CCDC85C: variants seen among roughly 807,000 people sequenced by gnomAD.
CCDC85C encodes coiled-coil domain-containing protein 85C.
A neutral mutation model predicts 38.3 loss-of-function variants in CCDC85C; 18 were observed. The ratio of observed to expected loss-of-function variants is 0.47; its 90% CI spans 0.33 to 0.70. CCDC85C has a LOEUF of 0.70. Ranked by LOEUF, CCDC85C falls within the 30% of genes least tolerant of loss-of-function variation. The pLI is 0.03. For missense variants in CCDC85C, 566 were observed against 621.2 expected (o/e 0.91, Z 0.94); for synonymous variants, 264 against 293.8 (o/e 0.90, Z 1.04).
Position 99,569,723 on chromosome 14 carries a change from A to G in CCDC85C, c.793+33444T>C, listed in dbSNP as rs998998094. Reference sequence around the variant, plus strand: ...CTTTGCACCTCTGCTTCCCCCCAACATGTCACACACCCCACATTTCAGGTG... The same window carrying G: ...CTTTGCACCTCTGCTTCCCCCCAACGTGTCACACACCCCACATTTCAGGTG... On this transcript the variant is annotated intron_variant, in intron 1 of 5. Transcript: ENST00000380243. The surrounding 1 kb of genome is among the most constrained non-coding windows in gnomAD (Gnocchi z 4.3). Among the ~76,000 whole-genome samples the G allele has an allele frequency of 5.3e-5, 8 of 151,982 alleles. No homozygotes were observed. The highest frequency in any genetic ancestry group is 9.7e-5 in the African/African-American group (4 of 41,398).
intron 2 of CCDC85C, among the ~76,000 whole-genome samples, chr14:99,528,731 C>G (rs77669548): frequency 4.0e-5 from 6 of 151,700 alleles, no homozygotes; most frequent in African/African-American, 1.2e-4. Context: ...CCTGCAAGGT[C>G]GCCCACAAGA....
chr14:99,507,374 C>G lies in CCDC85C; in HGVS notation c.*7872G>C. ...GGAGAATCACCTGACCCCAGGAGTTCGAGGTCAGCCTGGGCAACAAAGTGA... is the reference window on the plus strand; with the variant it reads ...GGAGAATCACCTGACCCCAGGAGTTGGAGGTCAGCCTGGGCAACAAAGTGA... On this transcript the variant is annotated 3_prime_UTR_variant, in exon 6 of 6. Transcript: ENST00000380243. 3.8e-6 allele frequency: 2 copies of G among 526,542 alleles called. No individual in the cohort carries two copies. The highest frequency in any genetic ancestry group is 2.1e-5 in the South Asian group (1 of 48,272). The allele number at this position is 526,542 out of a possible 1,614,324, so 32.6% of individuals were successfully genotyped here.
chr14:99,507,274 A>G lies in CCDC85C; in HGVS notation c.*7972T>C, dbSNP rs1896999061. The G allele has an allele frequency of 1.4e-6, 1 of 735,960 alleles. No individual in the cohort carries two copies. The highest frequency in any genetic ancestry group is 1.7e-5 in the African/African-American group (1 of 57,516). The allele number at this position is 735,960 out of a possible 1,614,324, so 45.6% of individuals were successfully genotyped here. A position where few individuals can be genotyped will look rare whatever the true frequency, so the allele number is the denominator to read the frequency against. On this transcript the variant is annotated 3_prime_UTR_variant, in exon 6 of 6. Coordinates refer to ENST00000380243, the MANE Select transcript of CCDC85C (RefSeq NM_001144995.2). The stretch of plus-strand genomic sequence containing the variant: ...TTGACAATGTCAGCCACAGGCAGGA[A>G]TCTTTGCAAAATTGTTCTTGGGCTG...
At chr14:99,601,075 C>G (rs2055193545) in intron 1 of CCDC85C, among the ~76,000 whole-genome samples, 1 of 152,190 alleles carries the variant, frequency 6.6e-6, no homozygotes, top group African/African-American at 2.4e-5. Flanking sequence ...AAGAGAAGGG[C>G]CTTTCCTGGT....
intron 1 of CCDC85C, among the ~76,000 whole-genome samples, chr14:99,587,733 C>A (rs2055042199): frequency 6.6e-6 from 1 of 152,172 alleles, no homozygotes; most frequent in Non-Finnish European, 1.5e-5. Flanking sequence ...TGGAGCAGAA[C>A]CCCCGTACAG....
Position 99,515,160 on chromosome 14 carries a change from G to T in CCDC85C, c.*86C>A. On this transcript the variant is annotated 3_prime_UTR_variant, in exon 6 of 6. Transcript: ENST00000380243. ...CCACAGAGGAAGAAGACAGGGGCTG[G>T]GCTGGAGGTCCTGCCCGTGTCTGGG... The T allele has an allele frequency of 1.1e-6, 1 of 938,660 alleles. No individual in the cohort carries two copies. Among genetic ancestry groups the T allele is most frequent in the Non-Finnish European group, 1.6e-6 (1 of 612,030 alleles). The allele number at this position is 938,660 out of a possible 1,614,324, so 58.1% of individuals were successfully genotyped here. A position where few individuals can be genotyped will look rare whatever the true frequency, so the allele number is the denominator to read the frequency against.
intron 1 of CCDC85C, among the ~76,000 whole-genome samples, chr14:99,596,048 G>C (rs1199931261): frequency 6.6e-6 from 1 of 152,226 alleles, no homozygotes; most frequent in African/African-American, 2.4e-5. Context: ...GGCAGGGAGG[G>C]CTCCAGCACC....
At chr14:99,555,914 G>A (rs903917796) in intron 1 of CCDC85C, among the ~76,000 whole-genome samples, 20 of 152,334 alleles carry the variant, frequency 1.3e-4, no homozygotes, top group African/African-American at 4.8e-4. Flanking sequence ...TCAGACACAC[G>A]TCCCTTGTGG....
chr14:99,601,084 G>C (rs1332035535), intron 1 of CCDC85C, among the ~76,000 whole-genome samples: 5 of 152,158 alleles, frequency 3.3e-5, no homozygotes, highest in African/African-American at 1.2e-4. Context: ...GCCTTTCCTG[G>C]TTTCCAAGCC....
intron 1 of CCDC85C, among the ~76,000 whole-genome samples, chr14:99,543,931 G>A (rs767995997): frequency 4.6e-5 from 7 of 152,252 alleles, no homozygotes; most frequent in Non-Finnish European, 1.0e-4. Flanking sequence ...CATGCAGGGT[G>A]TTGCAGGCCG....
At chr14:99,555,689 G>A (rs1238830504) in intron 1 of CCDC85C, among the ~76,000 whole-genome samples, 1 of 152,208 alleles carries the variant, frequency 6.6e-6, no homozygotes, top group African/African-American at 2.4e-5. Flanking sequence ...GGAGAAGTTA[G>A]AAAATCAGCA....
At chr14:99,562,436 C>A (rs1043249807) in intron 1 of CCDC85C, among the ~76,000 whole-genome samples, 3 of 152,218 alleles carry the variant, frequency 2.0e-5, no homozygotes, top group Admixed American at 2.0e-4. Context: ...GGACATCAGG[C>A]ACATGGTGCA....
chr14:99,523,763 GC>G (rs58432732), intron 2 of CCDC85C, among the ~76,000 whole-genome samples: 3,415 of 152,232 alleles, frequency 0.022, 119 homozygotes, highest in African/African-American at 0.077. Context: ...GATAACCCTG[GC>G]GAGCATCACA....
rs1235772236 is a variant in CCDC85C at position 99,510,515 on chromosome 14, C to T, written c.*4731G>A. 9 of 773,432 alleles carry T rather than the reference C, an allele frequency of 1.2e-5. No homozygotes were observed. The highest frequency in any genetic ancestry group is 1.7e-5 in the Non-Finnish European group (9 of 517,850). 47.9% of individuals were successfully genotyped at this position (773,432 alleles called of 1,614,324 possible). ...CGCCACCTGTGCCTCCTCCCCCAGC[C>T]TCCTTCCCCCCACCTGCCATCCCAC... On this transcript the variant is annotated 3_prime_UTR_variant, in exon 6 of 6. Coordinates refer to ENST00000380243, the MANE Select transcript of CCDC85C (RefSeq NM_001144995.2).
chr14:99,523,893 G>T (rs889316979), intron 2 of CCDC85C, among the ~76,000 whole-genome samples: 2 of 152,040 alleles, frequency 1.3e-5, no homozygotes, highest in Middle Eastern at 3.2e-3. Flanking sequence ...GGCACTCACG[G>T]CCCGCAGGTG....
In CCDC85C at chr14:99,531,799, CT is replaced by C. The variant is rs2139912997; in HGVS notation, c.867+4215del. Among the ~76,000 whole-genome samples, 3 of 152,348 alleles carry C rather than the reference CT, an allele frequency of 2.0e-5. No individual in the cohort carries two copies. In the East Asian group the frequency reaches 5.8e-4, roughly 29 times the overall value. ...GATTTAAATGCCAGAATCACAGAAT[CT>C]CACGAGCCAGAGTCCATGAGGCTTA... On this transcript the variant is annotated intron_variant, in intron 2 of 5. Transcript: ENST00000380243.
In CCDC85C at chr14:99,542,594, G is replaced by A. The variant is rs182315654; in HGVS notation, c.794-6506C>T. Reference sequence around the variant, plus strand: ...CAGGGAGTGGTGGCCTAGAGGCTCCGGGTAGCAGCCGGCCTCCTCTTCCCA... The same window carrying A: ...CAGGGAGTGGTGGCCTAGAGGCTCCAGGTAGCAGCCGGCCTCCTCTTCCCA... On this transcript the variant is annotated intron_variant, in intron 1 of 5. Transcript: ENST00000380243. Among the ~76,000 whole-genome samples, 15 of 152,264 alleles carry A rather than the reference G, an allele frequency of 9.9e-5. No homozygotes were observed. In the East Asian group the frequency reaches 2.7e-3, roughly 27 times the overall value.
chr14:99,537,883 G>A (rs1295929587), intron 1 of CCDC85C, among the ~76,000 whole-genome samples: 1 of 152,186 alleles, frequency 6.6e-6, no homozygotes, highest in Admixed American at 6.5e-5. Context: ...TGAGCATGGG[G>A]AGGTAGGGTG....
chr14:99,603,440 C>G lies in CCDC85C; in HGVS notation c.520G>C (p.Ala174Pro). 1 of 1,267,572 alleles carries G rather than the reference C, an allele frequency of 7.9e-7. No homozygotes were observed. The highest frequency in any genetic ancestry group is 9.9e-7 in the Non-Finnish European group (1 of 1,010,124). 78.5% of individuals were successfully genotyped at this position (1,267,572 alleles called of 1,614,324 possible). The change falls in exon 1 of 6, where the codon GCC becomes CCC. Residue 174 changes from alanine (A) to proline (P), a missense_variant. By Grantham distance (27) the Ala-to-Pro change is conservative. This residue lies in a region of CCDC85C where 269 missense variants were observed against 308.2 expected (regional missense o/e 0.87). Transcript: ENST00000380243. The surrounding 1 kb of genome is among the most constrained non-coding windows in gnomAD (Gnocchi z 7.5). ...CTGTCGATGGAGCTGCGGGAGCCGG[C>G]GCCGCCCCCGCCGCCGCCGCCACCG... ...ASGGGGGGGGAGSRSSIDSQA... is the reference protein window; with the variant it reads ...ASGGGGGGGGPGSRSSIDSQA...
Sources: gnomAD v4.1 joint callset for allele counts (sites outside exome capture counted in the v4.1 genomes callset) on GRCh38, gnomAD v4.1.1 for gene constraint, gnomAD v4.1.1 regional missense constraint, Gnocchi (gnomAD v3.1) non-coding constraint, MANE v1.5 for transcripts, NCBI Gene and HGNC (gene_info 2026-07-23, HGNC 2026-07-21) for gene names.